Variants in DLGAP2 observed in about 807,000 individuals in gnomAD.
The protein encoded by DLGAP2 is DLG associated protein 2.
DLGAP2 carries 26 observed loss-of-function variants against 100.3 expected under a neutral mutation model. The observed-to-expected ratio is 0.26, with a 90% confidence interval of 0.19 to 0.36. The LOEUF (loss-of-function observed/expected upper bound fraction) is 0.36, where lower values mean the gene tolerates loss of function less well. DLGAP2 is among the 10% of genes least tolerant of loss of function. The pLI is 1.00. For synonymous variants in DLGAP2, 886 were observed against 630.1 expected (o/e 1.41, Z -6.08); for missense variants, 1,858 against 1,453.2 (o/e 1.28, Z -4.53).
rs368103249 is a variant in DLGAP2, at chr8:1,223,341, G to A, written c.74-35510G>A. Among the ~76,000 whole-genome samples the A allele has an allele frequency of 5.9e-5, 9 of 152,286 alleles. No individual in the cohort carries two copies. The South Asian group carries it at 6.2e-4, about 11-fold the overall frequency. On this transcript the variant is annotated intron_variant, in intron 2 of 14. Transcript: ENST00000637795. ...CCATGGGCTGGTCTCTGTGAGAAGCGCTTCCCGTGTGCATGGAGCCAGCCA... is the reference window on the plus strand; with the variant it reads ...CCATGGGCTGGTCTCTGTGAGAAGCACTTCCCGTGTGCATGGAGCCAGCCA...
intron 1 of DLGAP2, among the ~76,000 whole-genome samples, chr8:787,635 G>A (rs1320658201): frequency 3.3e-5 from 5 of 152,168 alleles, no homozygotes; most frequent in Middle Eastern, 3.2e-3. Flanking sequence ...TCCACCAGCC[G>A]GTGGCCTCTT....
intron 1 of DLGAP2, among the ~76,000 whole-genome samples, chr8:866,165 G>A (rs921297253): frequency 8.5e-5 from 13 of 152,156 alleles, no homozygotes; most frequent in African/African-American, 3.1e-4. Context: ...CGGGGCCCTC[G>A]GTGCCTCTCA....
intron 3 of DLGAP2, chr8:1,262,326 G>C (rs1288337832): frequency 6.6e-6 from 1 of 152,126 alleles, no homozygotes; most frequent in African/African-American, 2.4e-5. Context: ...TGTATTACGA[G>C]GTTTTGAAAC....
At chr8:940,398 G>A (rs1799168475) in intron 2 of DLGAP2, among the ~76,000 whole-genome samples, 1 of 151,974 alleles carries the variant, frequency 6.6e-6, no homozygotes, top group African/African-American at 2.4e-5. Context: ...GAGGGAAAAG[G>A]GTGCTGAAGC....
chr8:1,178,995 A>G (rs1360317483), intron 2 of DLGAP2, among the ~76,000 whole-genome samples: 2 of 152,196 alleles, frequency 1.3e-5, no homozygotes, highest in Non-Finnish European at 1.5e-5. Flanking sequence ...AGGTCCCTAC[A>G]GATTAATTTC....
intron 3 of DLGAP2, among the ~76,000 whole-genome samples, chr8:1,482,855 C>A (rs966441762): frequency 1.1e-4 from 16 of 152,206 alleles, no homozygotes; most frequent in Non-Finnish European, 2.2e-4. Context: ...AGGAGGGAGA[C>A]GCAGGAAGAG....
At chr8:1,049,940 A>C (rs1301462450) in intron 2 of DLGAP2, among the ~76,000 whole-genome samples, 2 of 152,246 alleles carry the variant, frequency 1.3e-5, no homozygotes, top group African/African-American at 2.4e-5. Flanking sequence ...ACACACGTGG[A>C]TATATGCACA....
At chr8:1,247,850 C>G (rs184545147) in intron 2 of DLGAP2, among the ~76,000 whole-genome samples, 3 of 3,346 alleles carry the variant, frequency 9.0e-4, no homozygotes, top group Non-Finnish European at 6.7e-4. Flanking sequence ...AGACCTTTGA[C>G]ATCAGTGTGG....
At chr8:885,265 A>G (rs1446560570) in intron 1 of DLGAP2, among the ~76,000 whole-genome samples, 1 of 152,172 alleles carries the variant, frequency 6.6e-6, no homozygotes, top group Non-Finnish European at 1.5e-5. Context: ...TGAGGATGGA[A>G]TGTTTTTCTA....
chr8:1,512,623 G>A (rs978226305), intron 4 of DLGAP2, among the ~76,000 whole-genome samples: 1 of 152,116 alleles, frequency 6.6e-6, no homozygotes, highest in African/African-American at 2.4e-5. Flanking sequence ...TCTGTTAAAA[G>A]CAAACAACAT....
rs1007748744 is a variant in DLGAP2, at chr8:1,498,455, T to G, written c.107-2911T>G. Reference sequence around the variant, plus strand: ...TTATCTGTCACGTGATGTGCCCGAGTCAGGTTGGAAAGTGAGCCATGTTAT... The same window carrying G: ...TTATCTGTCACGTGATGTGCCCGAGGCAGGTTGGAAAGTGAGCCATGTTAT... On this transcript the variant is annotated intron_variant, in intron 3 of 14. Transcript: ENST00000637795. Among the ~76,000 whole-genome samples the G allele has an allele frequency of 3.3e-5, 5 of 151,880 alleles. No homozygotes were observed. In the East Asian group the frequency reaches 9.6e-4, roughly 29 times the overall value.
intron 5 of DLGAP2, among the ~76,000 whole-genome samples, chr8:1,563,009 G>A (rs1043723300): frequency 1.7e-3 from 64 of 37,138 alleles, no homozygotes; most frequent in African/African-American, 1.6e-3. Flanking sequence ...GCGCCTCGTT[G>A]CTGGGGGGCT....
At chr8:1,319,733 G>T (rs1046482625) in intron 3 of DLGAP2, among the ~76,000 whole-genome samples, 4 of 152,172 alleles carry the variant, frequency 2.6e-5, no homozygotes, top group Non-Finnish European at 5.9e-5. Flanking sequence ...GAAGAGGCAG[G>T]ACATCAGCAG....
chr8:974,477 C>A (rs1353473027), intron 2 of DLGAP2, among the ~76,000 whole-genome samples: 2 of 152,122 alleles, frequency 1.3e-5, no homozygotes, highest in Non-Finnish European at 2.9e-5. Context: ...GAATATTCAT[C>A]AAGATAGAAT....
intron 2 of DLGAP2, among the ~76,000 whole-genome samples, chr8:1,143,236 G>A (rs1796551556): frequency 6.6e-6 from 1 of 152,160 alleles, no homozygotes; most frequent in African/African-American, 2.4e-5. Context: ...ACAATGTGCT[G>A]GAAAGGACAG....
At chr8:1,619,186 G>C (rs894812741) in intron 6 of DLGAP2, among the ~76,000 whole-genome samples, 3 of 152,142 alleles carry the variant, frequency 2.0e-5, no homozygotes, top group Non-Finnish European at 4.4e-5. Flanking sequence ...GGGCATAAAA[G>C]CCAAAAGGTT....
chr8:1,646,253 G>A (rs1036805034), intron 8 of DLGAP2, among the ~76,000 whole-genome samples: 3 of 152,104 alleles, frequency 2.0e-5, no homozygotes, highest in Non-Finnish European at 2.9e-5. Context: ...TTTGAACTGC[G>A]ACTTGCACCA....
At chr8:1,489,643 G>A (rs529724450) in intron 3 of DLGAP2, among the ~76,000 whole-genome samples, 2 of 152,268 alleles carry the variant, frequency 1.3e-5, no homozygotes, top group African/African-American at 4.8e-5. Flanking sequence ...AATTTAAAGA[G>A]AAAATAAAAC....
chr8:749,651 T>A (rs1024078799), intron 1 of DLGAP2, among the ~76,000 whole-genome samples: 4 of 152,240 alleles, frequency 2.6e-5, no homozygotes, highest in Admixed American at 2.0e-4. Flanking sequence ...TTTTTGAATA[T>A]TTTCTGAAAA....
Sources: gnomAD v4.1 joint callset for allele counts (sites outside exome capture counted in the v4.1 genomes callset) on GRCh38, gnomAD v4.1.1 for gene constraint, MANE v1.5 for transcripts, NCBI Gene and HGNC (gene_info 2026-07-23, HGNC 2026-07-21) for gene names.